PYHIN1: variants seen among roughly 807,000 people sequenced by gnomAD.
PYHIN1 encodes the protein pyrin and HIN domain-containing protein 1.
A neutral mutation model predicts 43.7 loss-of-function variants in PYHIN1; 32 were observed. The ratio of observed to expected loss-of-function variants is 0.73; its 90% CI spans 0.55 to 0.98. The LOEUF (loss-of-function observed/expected upper bound fraction) is 0.98. PYHIN1 is among the 50% of genes least tolerant of loss of function. The pLI is 0.00. For missense variants in PYHIN1, 588 were observed against 589.5 expected, an observed-to-expected ratio of 1.00 and a Z score of 0.03; for synonymous variants, 205 against 203.1, an observed-to-expected ratio of 1.01 and a Z score of -0.08.
chr1:158,950,020 G>A (rs1005142395), intron 7 of PYHIN1, among the ~76,000 whole-genome samples: 5 of 152,132 alleles, frequency 3.3e-5, no homozygotes, highest in Non-Finnish European at 5.9e-5. Flanking sequence ...GTGTTATCTG[G>A]CACCTTAGTC....
intron 7 of PYHIN1, among the ~76,000 whole-genome samples, chr1:158,953,487 G>A (rs1475071685): frequency 2.7e-5 from 4 of 150,392 alleles, no homozygotes; most frequent in Non-Finnish European, 4.4e-5. Context: ...CCCAGCAGGG[G>A]CACACTGACA....
intron 7 of PYHIN1, among the ~76,000 whole-genome samples, chr1:158,968,811 G>T (rs575989060): frequency 6.7e-6 from 1 of 148,818 alleles, no homozygotes; most frequent in African/African-American, 2.6e-5. Context: ...GAATGGAGCT[G>T]GATGCCATTC....
intron 7 of PYHIN1, among the ~76,000 whole-genome samples, chr1:158,971,878 T>C (rs910109864): frequency 6.6e-6 from 1 of 151,820 alleles, no homozygotes; most frequent in Admixed American, 6.6e-5. Flanking sequence ...AAAATGCCAT[T>C]TGTGAATGTG....
rs1282049084 is a variant in PYHIN1, at chr1:158,955,135, T to C, written c.1359+10093T>C. Among the ~76,000 whole-genome samples, 6 of 151,890 alleles carry C rather than the reference T, an allele frequency of 4.0e-5. No individual in the cohort carries two copies. The East Asian group carries it at 9.7e-4, about 24-fold the overall frequency. ...GAGTGACCTACAAAGAGACTTAGAC[T>C]CCCACACATTAAAAATGGGAGACTT... On this transcript the variant is annotated intron_variant, in intron 7 of 8. Transcript: ENST00000368140.
downstream of PYHIN1, among the ~76,000 whole-genome samples, chr1:158,980,105 G>A (rs552720886): frequency 5.9e-5 from 9 of 152,270 alleles, no homozygotes; most frequent in Non-Finnish European, 1.2e-4. Flanking sequence ...GGACTGGCTG[G>A]AGCCACAGCA....
At chr1:158,942,904 A>C (rs1649002121) in intron 5 of PYHIN1, among the ~76,000 whole-genome samples, 1 of 152,232 alleles carries the variant, frequency 6.6e-6, no homozygotes, top group Non-Finnish European at 1.5e-5. Flanking sequence ...GTTCTGACCA[A>C]ATGAAATGCA....
chr1:158,967,135 G>A (rs1650674493), intron 7 of PYHIN1, among the ~76,000 whole-genome samples: 1 of 151,362 alleles, frequency 6.6e-6, no homozygotes. Context: ...ATTGACAAAA[G>A]GATTTATTGT....
intron 7 of PYHIN1, among the ~76,000 whole-genome samples, chr1:158,964,284 A>G (rs1407817905): frequency 6.6e-6 from 1 of 152,194 alleles, no homozygotes; most frequent in African/African-American, 2.4e-5. Flanking sequence ...GGAGAAAGCA[A>G]ACACCTTTAA....
intron 7 of PYHIN1, among the ~76,000 whole-genome samples, chr1:158,966,457 C>A (rs1650639878): frequency 6.6e-6 from 1 of 151,960 alleles, no homozygotes; most frequent in Non-Finnish European, 1.5e-5. Flanking sequence ...GATGAACATA[C>A]ATGCAAAAAT....
chr1:158,937,310 C>A lies in PYHIN1; in HGVS notation c.265+135C>A, dbSNP rs139847996. 264 of 915,924 alleles carry A rather than the reference C, an allele frequency of 2.9e-4. No individual in the cohort carries two copies. In the African/African-American group the frequency reaches 4.0e-3, roughly 14 times the overall value. The allele number at this position is 915,924 out of a possible 1,614,324, so 56.7% of individuals were successfully genotyped here. ...CTCACTGGCCATGGCAATGTTGGTA[C>A]TTCAGATGCCAACAAGTTGACAACT... is the stretch of plus-strand genomic sequence containing the variant. On this transcript the variant is annotated intron_variant, in intron 2 of 8. Transcript: ENST00000368140.
chr1:158,950,959 C>T (rs1265316868), intron 7 of PYHIN1, among the ~76,000 whole-genome samples: 7 of 152,128 alleles, frequency 4.6e-5, no homozygotes, highest in South Asian at 2.1e-4. Context: ...CCAGGAAGAA[C>T]GTGTGCACTA....
intron 7 of PYHIN1, among the ~76,000 whole-genome samples, chr1:158,952,766 A>T (rs887299149): frequency 1.3e-5 from 2 of 149,120 alleles, no homozygotes; most frequent in African/African-American, 5.2e-5. Flanking sequence ...ATGGCCGAAC[A>T]GGAATAGCTC....
At chr1:158,959,805 G>A (rs550590926) in intron 7 of PYHIN1, among the ~76,000 whole-genome samples, 14 of 152,232 alleles carry the variant, frequency 9.2e-5, no homozygotes, top group African/African-American at 3.4e-4. Flanking sequence ...TCAGATGGTA[G>A]GTAGAGTCTA....
rs1649034839 is a variant in PYHIN1 at position 158,943,308 on chromosome 1, G to A, written c.1003-482G>A. On this transcript the variant is annotated intron_variant, in intron 5 of 8. Coordinates refer to ENST00000368140, the MANE Select transcript of PYHIN1 (RefSeq NM_152501.5). ...AGCTTAAGGACCTGAGTTCAGGATG[G>A]GAGCAGATGTTGAAAGAGATTCAGT... 2.0e-5 allele frequency among the ~76,000 whole-genome samples: 3 copies of A among 152,112 alleles called. No individual in the cohort carries two copies. The South Asian group carries it at 6.2e-4, about 31-fold the overall frequency.
Position 158,973,685 on chromosome 1 carries a change from A to G in PYHIN1, c.1398A>G (p.Ala466=), listed in dbSNP as rs1651077580. 1 of 1,613,142 alleles carries G rather than the reference A, an allele frequency of 6.2e-7. No homozygotes were observed. Among genetic ancestry groups the G allele is most frequent in the Non-Finnish European group, 8.5e-7 (1 of 1,179,434 alleles). ...ACCCAGGAGCACAGTCATCGCCTGC[A>G]AACTTTAGAATCACCTCACCAACTG... The part of the protein sequence containing the change: ...ETHPGAQSSP[A]NFRITSPTVA... Residue 466 remains alanine (A), a synonymous_variant, in exon 8 of 9, where the codon GCA becomes GCG. Transcript: ENST00000368140.
chr1:158,953,069 A>G (rs1331459137), intron 7 of PYHIN1, among the ~76,000 whole-genome samples: 1 of 152,186 alleles, frequency 6.6e-6, no homozygotes, highest in Non-Finnish European at 1.5e-5. Flanking sequence ...GCGCACCAGG[A>G]GATTATATCC....
At chr1:158,975,969 A>G (rs1002518291) in intron 8 of PYHIN1, among the ~76,000 whole-genome samples, 1 of 152,128 alleles carries the variant, frequency 6.6e-6, no homozygotes, top group Non-Finnish European at 1.5e-5. Flanking sequence ...ATATTAGCTC[A>G]TTCAATTATT....
At position 158,939,207 on chromosome 1, in the gene PYHIN1, A is replaced by C. The variant is rs910476360; in HGVS notation, c.539A>C (p.Gln180Pro). 2.5e-6 allele frequency: 4 copies of C among 1,610,426 alleles called. No homozygotes were observed. The African/African-American group carries it at 5.4e-5, about 22-fold the overall frequency. Residue 180 changes from glutamine (Q) to proline (P), a missense_variant, in exon 4 of 9, where the codon CAG (glutamine) becomes CCG (proline). By Grantham distance (76) the Gln-to-Pro change is moderately conservative (BLOSUM62 -1). Coordinates refer to ENST00000368140, the MANE Select transcript of PYHIN1 (RefSeq NM_152501.5). ...STAMGRSPPP[Q>P]TSSSAPPNTS... ...GCCATGGGCCGTTCCCCACCTCCCC[A>C]GACCTCATCATCAGCTCCACCCAAC...
At chr1:158,956,173 T>C (rs1472814881) in intron 7 of PYHIN1, among the ~76,000 whole-genome samples, 1 of 143,314 alleles carries the variant, frequency 7.0e-6, no homozygotes, top group African/African-American at 2.6e-5. Context: ...CTACCAGAGG[T>C]ACAAGGAGGA....
Sources: gnomAD v4.1 joint callset for allele counts (sites outside exome capture counted in the v4.1 genomes callset) on GRCh38, gnomAD v4.1.1 for gene constraint, MANE v1.5 for transcripts, NCBI Gene and HGNC (gene_info 2026-07-23, HGNC 2026-07-21) for gene names.